The following GSTCD variants were observed in gnomAD, a reference collection of about 807,000 sequenced individuals.
The protein encoded by GSTCD is glutathione S-transferase C-terminal domain containing.
Under a neutral mutation model 68.3 loss-of-function variants are expected in GSTCD, and 44 were observed. The observed-to-expected ratio is 0.64, with a 90% CI of 0.51 to 0.83. The LOEUF (loss-of-function observed/expected upper bound fraction) is 0.83. GSTCD is among the 40% of genes least tolerant of loss of function. The pLI, the probability that GSTCD is intolerant of heterozygous loss-of-function variation, is 0.00. For synonymous variants in GSTCD, 273 were observed against 255.2 expected (o/e 1.07, Z -0.67); for missense variants, 739 against 735.9 (o/e 1.00, Z -0.05).
intron 5 of GSTCD, among the ~76,000 whole-genome samples, chr4:105,778,856 A>G (rs538427680): frequency 2.4e-4 from 37 of 152,232 alleles, no homozygotes; most frequent in African/African-American, 7.5e-4. Context: ...AGATTCCTCA[A>G]TGTTAACATT....
chr4:105,796,129 C>T (rs1030560712), intron 5 of GSTCD, among the ~76,000 whole-genome samples: 6 of 152,162 alleles, frequency 3.9e-5, no homozygotes, highest in Non-Finnish European at 7.3e-5. Context: ...TTCCACATGG[C>T]TGGGGAGGCC....
At chr4:105,841,988 G>T (rs920365193) in intron 10 of GSTCD, 77 bp from the exon 11 acceptor site, 12 of 1,068,062 alleles carry the variant, frequency 1.1e-5, no homozygotes, top group Non-Finnish European at 1.6e-5. Flanking sequence ...AAATGAGGTA[G>T]TTTTTTTGGT....
chr4:105,776,538 A>T (rs1735070558), intron 5 of GSTCD, among the ~76,000 whole-genome samples: 1 of 152,162 alleles, frequency 6.6e-6, no homozygotes, highest in Admixed American at 6.5e-5. Context: ...TCTGTGCTGA[A>T]GTGCACCTTT....
chr4:105,833,179 C>CTT (rs1337561893), intron 8 of GSTCD, among the ~76,000 whole-genome samples: 2 of 152,082 alleles, frequency 1.3e-5, no homozygotes, highest in African/African-American at 4.8e-5. Flanking sequence ...TAATATTTTA[C>CTT]TTTCGCTGGG....
chr4:105,833,760 C>T (rs936510983), intron 8 of GSTCD, among the ~76,000 whole-genome samples: 2 of 130,694 alleles, frequency 1.5e-5, no homozygotes, highest in African/African-American at 6.8e-5. Flanking sequence ...TATAGATATA[C>T]TTAAGGATAT....
At chr4:105,782,606 G>A (rs1291327235) in intron 5 of GSTCD, among the ~76,000 whole-genome samples, 1 of 150,278 alleles carries the variant, frequency 6.7e-6, no homozygotes, top group Non-Finnish European at 1.5e-5. Context: ...TTTTTTTTGA[G>A]ACAGAGTCTT....
At chr4:105,741,269 T>C (rs1373904302) in intron 5 of GSTCD, among the ~76,000 whole-genome samples, 1 of 152,188 alleles carries the variant, frequency 6.6e-6, no homozygotes, top group East Asian at 1.9e-4. Context: ...TTAAGATTTC[T>C]GCCCCAAAGA....
chr4:105,738,781 A>G (rs937431481), intron 5 of GSTCD, among the ~76,000 whole-genome samples: 10 of 152,158 alleles, frequency 6.6e-5, no homozygotes, highest in Admixed American at 5.9e-4. Flanking sequence ...TGTCATCTGC[A>G]AATAGGGACA....
Position 105,822,947 on chromosome 4 carries a change from T to C in GSTCD, c.1241-7T>C, listed in dbSNP as rs1331658037. ...GTTTTGTGTTCTTCATTTCTTGTCT[T>C]TCTCAGGTAAAATGTCCAGTGATCG... On this transcript the variant is annotated splice_polypyrimidine_tract_variant and splice_region_variant and intron_variant, in intron 5 of 11. Coordinates refer to ENST00000515279, the MANE Select transcript of GSTCD (RefSeq NM_001370181.1). The C allele has an allele frequency of 6.3e-7, 1 of 1,597,948 alleles. No homozygotes were observed. Among genetic ancestry groups the C allele is most frequent in the Non-Finnish European group, 8.6e-7 (1 of 1,167,204 alleles).
At chr4:105,764,178 A>G (rs1254021441) in intron 5 of GSTCD, among the ~76,000 whole-genome samples, 2 of 152,200 alleles carry the variant, frequency 1.3e-5, no homozygotes, top group Non-Finnish European at 2.9e-5. Flanking sequence ...AGTTATATAT[A>G]TGCTTTATAT....
intron 5 of GSTCD, among the ~76,000 whole-genome samples, chr4:105,814,160 T>TGGTATAGTTTG (rs1268977523): frequency 1.3e-5 from 2 of 152,204 alleles, no homozygotes; most frequent in Admixed American, 6.5e-5. Flanking sequence ...ACCTCCCAAC[T>TGGTATAGTTTG]GGTATAGTTT....
At chr4:105,825,920 CTTATA>C (rs146446366) in intron 8 of GSTCD, 120 bp downstream of exon 8, 5,609 of 513,100 alleles carry the variant, frequency 0.011, 44 homozygotes, top group Non-Finnish European at 0.016. Context: ...ATTTTGTATA[CTTATA>C]TTATCTATGA....
chr4:105,748,125 C>T (rs1436570980), intron 5 of GSTCD, among the ~76,000 whole-genome samples: 1 of 151,860 alleles, frequency 6.6e-6, no homozygotes, highest in Non-Finnish European at 1.5e-5. Flanking sequence ...CGTGGTGGTA[C>T]GTGCCTGTAG....
intron 5 of GSTCD, among the ~76,000 whole-genome samples, chr4:105,738,184 T>C (rs1733521716): frequency 6.6e-6 from 1 of 152,208 alleles, no homozygotes; most frequent in African/African-American, 2.4e-5. Flanking sequence ...TTTATAGCAA[T>C]ATACAAATGG....
chr4:105,763,708 C>T (rs531970638), intron 5 of GSTCD, among the ~76,000 whole-genome samples: 15 of 152,068 alleles, frequency 9.9e-5, no homozygotes, highest in Non-Finnish European at 1.9e-4. Context: ...GAAATCTAAA[C>T]TATTATGTCT....
intron 5 of GSTCD, among the ~76,000 whole-genome samples, chr4:105,814,529 T>A (rs150181297): frequency 6.6e-6 from 1 of 152,256 alleles, no homozygotes; most frequent in East Asian, 1.9e-4. Context: ...GGAGAATTGC[T>A]TGAACCCTGG....
intron 5 of GSTCD, among the ~76,000 whole-genome samples, chr4:105,760,224 T>C (rs894458870): frequency 6.6e-6 from 1 of 150,746 alleles, no homozygotes; most frequent in Non-Finnish European, 1.5e-5. Context: ...AATTCCAAGT[T>C]AGTAAGGGCT....
At chr4:105,783,061 T>C (rs947317348) in intron 5 of GSTCD, among the ~76,000 whole-genome samples, 2 of 152,210 alleles carry the variant, frequency 1.3e-5, no homozygotes, top group Non-Finnish European at 2.9e-5. Context: ...TTTCCCTCTG[T>C]CTGAGATGGA....
chr4:105,844,477 G>GT (rs547209502), intron 11 of GSTCD, among the ~76,000 whole-genome samples: 174 of 152,002 alleles, frequency 1.1e-3, no homozygotes, highest in African/African-American at 4.0e-3. Flanking sequence ...ACCTTCCACT[G>GT]TTTTTTTCTG....
Sources: gnomAD v4.1 joint callset for allele counts (sites outside exome capture counted in the v4.1 genomes callset) on GRCh38, gnomAD v4.1.1 for gene constraint, MANE v1.5 for transcripts, NCBI Gene and HGNC (gene_info 2026-07-23, HGNC 2026-07-21) for gene names.